Variants in PRRG3 observed in about 807,000 individuals in gnomAD.
PRRG3 encodes the protein transmembrane gamma-carboxyglutamic acid protein 3.
A neutral mutation model predicts 15.8 loss-of-function variants in PRRG3; 21 were observed. That is an observed-to-expected ratio of 1.33 (90% CI 0.94 to 1.92). PRRG3 has a LOEUF of 1.92. Ranked by LOEUF, PRRG3 falls within the 40% of genes most tolerant of loss-of-function variation. The probability of loss-of-function intolerance (pLI) is 0.00; values close to 1 mark genes in which losing one functional copy is unlikely to be tolerated. For synonymous variants in PRRG3, 125 were observed against 84.1 expected (o/e 1.49, Z -2.66); for missense variants, 251 against 200.2 (o/e 1.25, Z -1.53).
intron 2 of PRRG3, 92 bp downstream of exon 2, chrX:151,698,913 CT>C: frequency 2.2e-6 from 2 of 904,063 alleles, no homozygotes; most frequent in Non-Finnish European, 1.6e-6. Context: ...TCCCTGCCCC[CT>C]ACCCCCCAAG....
chrX:151,700,072 C>T lies in PRRG3; in HGVS notation c.84C>T (p.Arg28=). The change falls in exon 3 of 4, where the codon CGC becomes CGT. Residue 28 remains arginine, a synonymous_variant. Coordinates refer to ENST00000674457, the MANE Select transcript of PRRG3 (RefSeq NM_001372163.1). The part of the protein sequence containing the change: ...PRANEFLEEL[R]QGTIERECME... ...CCAATGAGTTCCTGGAGGAGCTGCG[C>T]CAGGGCACCATCGAGCGAGAGTGCA... 5 of 1,211,709 alleles carry T rather than the reference C, an allele frequency of 4.1e-6. No homozygotes were observed. Among genetic ancestry groups the T allele is most frequent in the Non-Finnish European group, 5.6e-6 (5 of 895,439 alleles).
At chrX:151,696,478 T>C (rs2014762398) in intron 1 of PRRG3, among the ~76,000 whole-genome samples, 1 of 110,843 alleles carries the variant, frequency 9.0e-6, no homozygotes, top group African/African-American at 3.3e-5. Flanking sequence ...GGATAACATG[T>C]ATTCGGGTCT....
chrX:151,698,698 G>A lies in PRRG3; in HGVS notation c.-31-86G>A, dbSNP rs1002758865. 3 of 726,607 alleles carry A rather than the reference G, an allele frequency of 4.1e-6. 1 individual carries two copies. The South Asian group carries it at 7.9e-5, about 19-fold the overall frequency. The allele number at this position is 726,607 out of a possible 1,213,427, so 59.9% of individuals were successfully genotyped here. A position where few individuals can be genotyped will look rare whatever the true frequency, so the allele number is the denominator to read the frequency against. ...TTCAACCTTTTGACCACGCCAGTGG[G>A]AGGGGGGCACATCCCAGAGCCAAGA... On this transcript the variant is annotated intron_variant, in intron 1 of 3. Transcript: ENST00000674457.
In PRRG3 at chrX:151,700,487, A is replaced by C. The variant is rs921672781; in HGVS notation, c.169-19A>C. 3 of 1,167,488 alleles carry C rather than the reference A, an allele frequency of 2.6e-6. No individual in the cohort carries two copies. In the African/African-American group the frequency reaches 5.4e-5, roughly 21 times the overall value. On this transcript the variant is annotated intron_variant, in intron 3 of 3. Coordinates refer to ENST00000674457, the MANE Select transcript of PRRG3 (RefSeq NM_001372163.1). ...CCTGGAGCTTGAGCTTCTCTTAAGT[A>C]CCACTTTTTCTTTTGCAGATGGAGT...
Position 151,703,872 on chromosome X carries a change from T to G in PRRG3, c.*2839T>G, listed in dbSNP as rs1427232823. The G allele has an allele frequency of 1.5e-3, 17 of 11,480 alleles. No individual in the cohort carries two copies. The highest frequency in any genetic ancestry group is 5.7e-3 in the African/African-American group (15 of 2,614). 0.9% of individuals were successfully genotyped at this position (11,480 alleles called of 1,213,427 possible). ...CCTGGGCATGGTTTTTTTTTTTTTT[T>G]TTTTTTTTTTTTTTTTTTTTTTTTT... is the stretch of plus-strand genomic sequence containing the variant. On this transcript the variant is annotated 3_prime_UTR_variant, in exon 4 of 4. Coordinates refer to ENST00000674457, the MANE Select transcript of PRRG3 (RefSeq NM_001372163.1).
chrX:151,699,211 A>G (rs1296964238), intron 2 of PRRG3, among the ~76,000 whole-genome samples: 1 of 112,502 alleles, frequency 8.9e-6, no homozygotes, highest in Non-Finnish European at 1.9e-5. Context: ...CACAGTCTCA[A>G]CTTAGGCTTA....
intron 1 of PRRG3, chrX:151,698,471 G>C (rs1307491883): frequency 5.6e-6 from 1 of 177,237 alleles, no homozygotes; most frequent in Admixed American, 7.9e-5. Context: ...CAGCCTTTAG[G>C]AGCTTTCCTT....
In PRRG3 at chrX:151,704,383, T is replaced by C. The variant is rs1347979510; in HGVS notation, c.*3350T>C. The C allele has an allele frequency of 1.8e-5, 2 of 111,626 alleles. No individual in the cohort carries two copies. Among genetic ancestry groups the C allele is most frequent in the Non-Finnish European group, 3.8e-5 (2 of 53,101 alleles). 9.2% of individuals were successfully genotyped at this position (111,626 alleles called of 1,213,427 possible). A position where few individuals can be genotyped will look rare whatever the true frequency, so the allele number is the denominator to read the frequency against. ...GACATTGCCTTTTTGGTAGCCCGAATATGAGGAATTCAGGACAGGAAAGTG... is the reference window on the plus strand; with the variant it reads ...GACATTGCCTTTTTGGTAGCCCGAACATGAGGAATTCAGGACAGGAAAGTG... On this transcript the variant is annotated 3_prime_UTR_variant, in exon 4 of 4. Coordinates refer to ENST00000674457, the MANE Select transcript of PRRG3 (RefSeq NM_001372163.1).
At chrX:151,694,910 C>T (rs2014728808), upstream of PRRG3, among the ~76,000 whole-genome samples, 3 of 110,879 alleles carry the variant, frequency 2.7e-5, no homozygotes, top group South Asian at 1.1e-3. Flanking sequence ...CTCTGTGTGC[C>T]CCAGGCCCGC....
Position 151,700,756 on chromosome X carries a change from A to G in PRRG3, c.419A>G (p.His140Arg). Residue 140 changes from histidine (H) to arginine (R), a missense_variant, in exon 4 of 4, where the codon CAT becomes CGT. By Grantham distance (29) the His-to-Arg change is conservative. Coordinates refer to ENST00000674457, the MANE Select transcript of PRRG3 (RefSeq NM_001372163.1). ...GTCATGGTGTACCGGGGTACTGTGC[A>G]TAGCCAAGGGGAGCCTTCTGGGCAC... ...PRVMVYRGTV[H>R]SQGEPSGHRE... 2 of 1,204,920 alleles carry G rather than the reference A, an allele frequency of 1.7e-6. No individual in the cohort carries two copies. Among genetic ancestry groups the G allele is most frequent in the Non-Finnish European group, 1.1e-6 (1 of 890,669 alleles).
upstream of PRRG3, among the ~76,000 whole-genome samples, chrX:151,694,849 C>T (rs2124335114): frequency 8.9e-6 from 1 of 111,782 alleles, no homozygotes; most frequent in Non-Finnish European, 1.9e-5. Context: ...CCGTATCTTC[C>T]GAGGGCCCAC....
chrX:151,694,985 G>C (rs1049470791), upstream of PRRG3: 2 of 109,075 alleles, frequency 1.8e-5, no homozygotes, highest in African/African-American at 3.3e-5. Context: ...AGTGGGGCGC[G>C]GGCGCGCGGT....
At chrX:151,696,335 G>C (rs1171175331) in intron 1 of PRRG3, among the ~76,000 whole-genome samples, 1 of 111,035 alleles carries the variant, frequency 9.0e-6, no homozygotes, top group African/African-American at 3.3e-5. Flanking sequence ...GAGGCCTCGT[G>C]GCAGGCAGCA....
chrX:151,698,955 G>A, intron 2 of PRRG3, 134 bp downstream of exon 2: 1 of 547,825 alleles, frequency 1.8e-6, no homozygotes, highest in Admixed American at 3.5e-5. Flanking sequence ...AAATGGCTGA[G>A]TAGCAGTTTT....
rs2014900893 is a variant in PRRG3, at chrX:151,702,363, C to G, written c.*1330C>G. ...TGAATGCAGCCCTGCCTTCAGGCCACAGAGGACTTCTGGAGGCTGCTCTAG... is the reference window on the plus strand; with the variant it reads ...TGAATGCAGCCCTGCCTTCAGGCCAGAGAGGACTTCTGGAGGCTGCTCTAG... On this transcript the variant is annotated 3_prime_UTR_variant, in exon 4 of 4. Transcript: ENST00000674457. 1 of 112,200 alleles carries G rather than the reference C, an allele frequency of 8.9e-6. No individual in the cohort carries two copies. The highest frequency in any genetic ancestry group is 1.9e-5 in the Non-Finnish European group (1 of 53,234). The allele number at this position is 112,200 out of a possible 1,213,427, so 9.2% of individuals were successfully genotyped here. A position where few individuals can be genotyped will look rare whatever the true frequency, so the allele number is the denominator to read the frequency against.
intron 1 of PRRG3, among the ~76,000 whole-genome samples, chrX:151,696,115 GC>G (rs2014756193): frequency 9.0e-6 from 1 of 111,464 alleles, no homozygotes; most frequent in Admixed American, 9.5e-5. Flanking sequence ...CTGTGTTCCT[GC>G]GGGGAGTGGG....
intron 2 of PRRG3, among the ~76,000 whole-genome samples, 193 bp downstream of exon 2, chrX:151,699,014 T>A (rs765418171): frequency 8.9e-6 from 1 of 112,412 alleles, no homozygotes; most frequent in Non-Finnish European, 1.9e-5. Context: ...CACTTGTAGA[T>A]GTGTACCTAC....
At chrX:151,699,642 A>T (rs766159316) in intron 2 of PRRG3, among the ~76,000 whole-genome samples, 35 of 113,038 alleles carry the variant, frequency 3.1e-4, no homozygotes, top group African/African-American at 1.1e-3. Flanking sequence ...TGCAGAAGAT[A>T]CTGGAGCTTT....
At chrX:151,699,168 A>T (rs1204600051) in intron 2 of PRRG3, among the ~76,000 whole-genome samples, 1 of 112,889 alleles carries the variant, frequency 8.9e-6, no homozygotes, top group Admixed American at 9.3e-5. Flanking sequence ...TAGGTGAACA[A>T]CAGGAGCAAA....
Sources: gnomAD v4.1 joint callset for allele counts (sites outside exome capture counted in the v4.1 genomes callset) on GRCh38, gnomAD v4.1.1 for gene constraint, MANE v1.5 for transcripts, NCBI Gene and HGNC (gene_info 2026-07-23, HGNC 2026-07-21) for gene names.